The following RELN variants were observed in gnomAD, a reference collection of about 807,000 sequenced individuals.
RELN encodes reelin.
RELN carries 108 observed loss-of-function variants against 427.6 expected under a neutral mutation model. The ratio of observed to expected loss-of-function variants is 0.25; its 90% confidence interval spans 0.22 to 0.30. RELN has a LOEUF of 0.30. Among genes scored for constraint, RELN ranks in the 10% least tolerant of loss-of-function variants. RELN has a pLI of 1.00. For synonymous variants in RELN, 1,524 were observed against 1,513.4 expected, an observed-to-expected ratio of 1.01 and a Z score of -0.16; for missense variants, 3,715 against 4,302.8, an observed-to-expected ratio of 0.86 and a Z score of 3.82.
In RELN at chr7:103,746,000, T is replaced by C. The variant is rs1019422681; in HGVS notation, c.656+3426A>G. Among the ~76,000 whole-genome samples the C allele has an allele frequency of 1.7e-3, 252 of 152,202 alleles. 1 individual carries two copies. The highest frequency in any genetic ancestry group is 5.9e-3 in the African/African-American group (243 of 41,514). On this transcript the variant is annotated intron_variant, in intron 6 of 64. Transcript: ENST00000428762. ...AAGAACAAAGCTGGAGGCATCACGCTACCTGACTTCAAACTATACTACAAG... is the reference window on the plus strand; with the variant it reads ...AAGAACAAAGCTGGAGGCATCACGCCACCTGACTTCAAACTATACTACAAG...
chr7:103,596,495 A>T lies in RELN; in HGVS notation c.3500T>A (p.Leu1167Gln), dbSNP rs1448416860. The T allele has an allele frequency of 6.2e-7, 1 of 1,614,034 alleles. No individual in the cohort carries two copies. The highest frequency in any genetic ancestry group is 1.1e-5 in the South Asian group (1 of 91,082). The stretch of plus-strand genomic sequence containing the variant: ...GTCTGAAAAGTACATCTCTGCTAGC[A>T]GGTGCCACTGGATGCCCCCATTGTT... ...YSNNGGIQWH[L>Q]LAEMYFSDFS... Residue 1167 changes from leucine (L) to glutamine (Q), a missense_variant, in exon 25 of 65, where the codon CTG (leucine) becomes CAG (glutamine). Physicochemically the swap from Leu to Gln is moderately radical, Grantham distance 113 (BLOSUM62 -2). Coordinates refer to ENST00000428762, the MANE Select transcript of RELN (RefSeq NM_005045.4).
chr7:103,881,339 C>T (rs931350256), intron 2 of RELN, among the ~76,000 whole-genome samples: 3 of 152,040 alleles, frequency 2.0e-5, no homozygotes, highest in Admixed American at 6.6e-5. Flanking sequence ...TTGGTGATAA[C>T]CCTCTCCTGA....
intron 10 of RELN, among the ~76,000 whole-genome samples, chr7:103,689,851 A>C (rs962868967): frequency 2.0e-4 from 30 of 152,142 alleles, no homozygotes; most frequent in African/African-American, 7.2e-4. Context: ...CTGAAAACTT[A>C]CATCTAATGT....
chr7:103,753,032 A>T, intron 5 of RELN, 150 bp downstream of exon 5: 1 of 782,874 alleles, frequency 1.3e-6, no homozygotes, highest in South Asian at 1.5e-5. Flanking sequence ...GTGTTCAAGT[A>T]TAATCCGTAC....
At chr7:103,547,277 C>T (rs1335241321) in intron 41 of RELN, among the ~76,000 whole-genome samples, 5 of 152,148 alleles carry the variant, frequency 3.3e-5, no homozygotes, top group Non-Finnish European at 5.9e-5. Context: ...AGTAAAGCGA[C>T]AGATTCAAGT....
At position 103,929,699 on chromosome 7, in the gene RELN, T is replaced by C. The variant is rs540187363; in HGVS notation, c.227-12514A>G. The stretch of plus-strand genomic sequence containing the variant: ...ATCACTACCTTCAGCACTTTGGTAC[T>C]ACACCTGGGGGCCATTTTAAACAGT... On this transcript the variant is annotated intron_variant, in intron 1 of 64. Transcript: ENST00000428762. 7.2e-5 allele frequency among the ~76,000 whole-genome samples: 11 copies of C among 152,326 alleles called. 1 individual carries two copies. The highest frequency in any genetic ancestry group is 2.6e-4 in the Admixed American group (4 of 15,306).
At chr7:103,712,848 T>C (rs929165501) in intron 8 of RELN, among the ~76,000 whole-genome samples, 2 of 152,196 alleles carry the variant, frequency 1.3e-5, no homozygotes, top group Non-Finnish European at 2.9e-5. Flanking sequence ...TCAATTGGTG[T>C]TTAGTCTCTC....
rs933595289 is a variant in RELN, at chr7:103,609,903, T to A, written c.3008+792A>T. Among the ~76,000 whole-genome samples the A allele has an allele frequency of 2.0e-4, 30 of 152,180 alleles. 1 individual carries two copies. The highest frequency in any genetic ancestry group is 5.9e-5 in the Non-Finnish European group (4 of 68,010). On this transcript the variant is annotated intron_variant, in intron 22 of 64. Coordinates refer to ENST00000428762, the MANE Select transcript of RELN (RefSeq NM_005045.4). ...AGAACTACAGGACTGGAGGGACCTG[T>A]AAGATCATGTAATTAAACCTTTTCA...
chr7:103,945,235 A>G (rs115353883), intron 1 of RELN, among the ~76,000 whole-genome samples: 2,480 of 152,278 alleles, frequency 0.016, 64 homozygotes, highest in African/African-American at 0.056. Flanking sequence ...GACAAAATTG[A>G]CAAAATTCAC....
chr7:103,896,221 T>C (rs1339409841), intron 2 of RELN, among the ~76,000 whole-genome samples: 1 of 152,082 alleles, frequency 6.6e-6, no homozygotes. Flanking sequence ...TAATGCTATG[T>C]TGGTGAGTGT....
At chr7:103,980,237 A>G (rs1212117838) in intron 1 of RELN, among the ~76,000 whole-genome samples, 1 of 151,802 alleles carries the variant, frequency 6.6e-6, no homozygotes, top group Non-Finnish European at 1.5e-5. Context: ...GTTGTAAATC[A>G]CTTTTTTTGT....
At chr7:103,514,929 T>C (rs148681439) in intron 50 of RELN, among the ~76,000 whole-genome samples, 3 of 152,242 alleles carry the variant, frequency 2.0e-5, no homozygotes, top group Admixed American at 6.5e-5. Context: ...GAAAATTTTC[T>C]AAGAAAAGAA....
At chr7:103,683,417 C>T (rs1252362788) in intron 10 of RELN, among the ~76,000 whole-genome samples, 2 of 152,022 alleles carry the variant, frequency 1.3e-5, no homozygotes, top group South Asian at 2.1e-4. Flanking sequence ...TTGTGTATGC[C>T]TAAGATATAT....
intron 1 of RELN, among the ~76,000 whole-genome samples, chr7:103,984,194 C>A (rs1032290140): frequency 6.6e-6 from 1 of 150,658 alleles, no homozygotes; most frequent in Non-Finnish European, 1.5e-5. Flanking sequence ...TAGATATTTT[C>A]TTTTGAATAA....
intron 48 of RELN, among the ~76,000 whole-genome samples, chr7:103,521,355 T>C (rs1415131536): frequency 1.3e-5 from 2 of 152,242 alleles, no homozygotes; most frequent in African/African-American, 4.8e-5. Flanking sequence ...CAGAGTCGCC[T>C]TTGGCAGAAA....
At chr7:103,527,324 A>G (rs558956252) in intron 46 of RELN, among the ~76,000 whole-genome samples, 1 of 152,356 alleles carries the variant, frequency 6.6e-6, no homozygotes, top group African/African-American at 2.4e-5. Context: ...AAAATATTTA[A>G]GCCTAGAAAA....
intron 2 of RELN, among the ~76,000 whole-genome samples, chr7:103,835,210 G>A (rs778656288): frequency 6.6e-6 from 1 of 152,184 alleles, no homozygotes; most frequent in Non-Finnish European, 1.5e-5. Context: ...GCTACATAGT[G>A]TATAATTCCA....
At chr7:103,564,557 AG>A (rs1830705994) in intron 34 of RELN, among the ~76,000 whole-genome samples, 1 of 152,162 alleles carries the variant, frequency 6.6e-6, no homozygotes, top group Non-Finnish European at 1.5e-5. Context: ...AGGCAGAAAG[AG>A]GGGGGAGGAA....
At chr7:103,770,654 A>T (rs564072405) in intron 4 of RELN, among the ~76,000 whole-genome samples, 274 of 110,946 alleles carry the variant, frequency 2.5e-3, no homozygotes, top group Middle Eastern at 0.01. Flanking sequence ...TTTTTTAAAA[A>T]TTTTTTTTTT....
Sources: gnomAD v4.1 joint callset for allele counts (sites outside exome capture counted in the v4.1 genomes callset) on GRCh38, gnomAD v4.1.1 for gene constraint, MANE v1.5 for transcripts, NCBI Gene and HGNC (gene_info 2026-07-23, HGNC 2026-07-21) for gene names.